The following ERC1 variants were observed in gnomAD, a reference collection of about 807,000 sequenced individuals.
ERC1 encodes RAB6 interacting protein 2.
Under a neutral mutation model 132.0 loss-of-function variants are expected in ERC1, and 56 were observed. The ratio of observed to expected loss-of-function variants is 0.42; its 90% CI spans 0.34 to 0.53. The LOEUF is 0.53. ERC1 is among the 20% of genes least tolerant of loss of function. The pLI is 0.03. For missense variants in ERC1, 1,202 were observed against 1,349.9 expected (o/e 0.89, Z 1.72); for synonymous variants, 478 against 476.1 (o/e 1.00, Z -0.05).
chr12:1,005,248 C>CTTG (rs199956844), intron 1 of ERC1, among the ~76,000 whole-genome samples: 1,937 of 152,194 alleles, frequency 0.013, 44 homozygotes, highest in African/African-American at 0.043. Context: ...ACCTCCCAGG[C>CTTG]TCAAGCGATC....
chr12:1,348,784 G>T (rs1448505403), intron 15 of ERC1, among the ~76,000 whole-genome samples: 2 of 152,044 alleles, frequency 1.3e-5, no homozygotes, highest in African/African-American at 4.8e-5. Context: ...AAAATACACG[G>T]GTCACCGGAA....
chr12:1,387,949 A>G (rs146739423), intron 16 of ERC1, among the ~76,000 whole-genome samples: 55 of 152,380 alleles, frequency 3.6e-4, no homozygotes, highest in African/African-American at 1.2e-3. Flanking sequence ...TGAATACATT[A>G]TCTCTGCTTA....
chr12:1,307,519 A>G (rs1238558763), intron 15 of ERC1, among the ~76,000 whole-genome samples: 2 of 152,296 alleles, frequency 1.3e-5, no homozygotes, highest in East Asian at 3.9e-4. Flanking sequence ...TACTACTTTT[A>G]GCTGTGGGTG....
At chr12:1,063,551 C>A (rs538787177) in intron 2 of ERC1, among the ~76,000 whole-genome samples, 1 of 152,092 alleles carries the variant, frequency 6.6e-6, no homozygotes, top group Non-Finnish European at 1.5e-5. Context: ...TGTGAGCCAC[C>A]GCACCTGGCT....
chr12:993,625 C>T (rs1423934291), intron 1 of ERC1, among the ~76,000 whole-genome samples: 8 of 152,030 alleles, frequency 5.3e-5, no homozygotes, highest in East Asian at 3.9e-4. Flanking sequence ...GGTTCTTGGC[C>T]GGGCGCCGTG....
chr12:1,145,285 G>A (rs12300925), intron 8 of ERC1, among the ~76,000 whole-genome samples: 35,218 of 151,520 alleles, frequency 0.23, 4,112 homozygotes, highest in Non-Finnish European at 0.27. Context: ...CCAAAGTGCT[G>A]GGATTACAGG....
chr12:1,421,514 C>CA (rs1249033285), intron 17 of ERC1, among the ~76,000 whole-genome samples: 48 of 152,088 alleles, frequency 3.2e-4, no homozygotes, highest in Admixed American at 2.8e-3. Context: ...AGGTGGGGGT[C>CA]ACAAGACCGG....
chr12:1,334,097 G>A (rs1174273443), intron 15 of ERC1, among the ~76,000 whole-genome samples: 1 of 151,946 alleles, frequency 6.6e-6, no homozygotes, highest in Non-Finnish European at 1.5e-5. Context: ...TAATGGGGTT[G>A]TTTTTTTCTT....
intron 15 of ERC1, among the ~76,000 whole-genome samples, chr12:1,326,810 C>G (rs539111844): frequency 6.6e-6 from 1 of 152,126 alleles, no homozygotes; most frequent in Non-Finnish European, 1.5e-5. Flanking sequence ...AAGTAGAACT[C>G]CCTGTTTCTG....
At chr12:1,144,747 T>C (rs189044266) in intron 8 of ERC1, among the ~76,000 whole-genome samples, 10 of 151,352 alleles carry the variant, frequency 6.6e-5, no homozygotes, top group East Asian at 3.9e-4. Flanking sequence ...AATGTGCTAT[T>C]ATAAACATGC....
At position 1,349,565 on chromosome 12, in the gene ERC1, G is replaced by A. The variant is rs1224010614; in HGVS notation, c.2781-22268G>A. On this transcript the variant is annotated intron_variant, in intron 15 of 18. Transcript: ENST00000360905. ...TGTAGTCCCAGCTACTCGGGAGGCT[G>A]AGGCAGGTGAATCGCTTGAACCCGG... Among the ~76,000 whole-genome samples the A allele has an allele frequency of 1.1e-4, 16 of 151,872 alleles. No individual in the cohort carries two copies. In the East Asian group the frequency reaches 2.7e-3, roughly 26 times the overall value.
chr12:1,407,905 C>A (rs976705235), intron 16 of ERC1, among the ~76,000 whole-genome samples: 3 of 152,142 alleles, frequency 2.0e-5, no homozygotes, highest in African/African-American at 7.2e-5. Context: ...CCTGAAGACC[C>A]TGTCTCTGGG....
At chr12:1,301,300 A>C (rs1364003518) in intron 15 of ERC1, among the ~76,000 whole-genome samples, 1 of 152,196 alleles carries the variant, frequency 6.6e-6, no homozygotes, top group East Asian at 1.9e-4. Flanking sequence ...TGTATAACTC[A>C]GTCTTGTAAC....
chr12:1,119,142 G>T (rs574658929), intron 7 of ERC1, among the ~76,000 whole-genome samples: 46 of 152,294 alleles, frequency 3.0e-4, no homozygotes, highest in Middle Eastern at 3.4e-3. Flanking sequence ...GCCTCCCAAA[G>T]TGCTCGGATT....
rs573171500 is a variant in ERC1 at position 1,358,238 on chromosome 12, CT to C, written c.2781-13583del. Reference sequence around the variant, plus strand: ...GTTCAAAAAAAAAAAAAACACTAAACTTTTTTTTTTTTCAAATAATACATTA... The same window carrying C: ...GTTCAAAAAAAAAAAAAACACTAAACTTTTTTTTTTTCAAATAATACATTA... On this transcript the variant is annotated intron_variant, in intron 15 of 18. Transcript: ENST00000360905. Among the ~76,000 whole-genome samples the C allele has an allele frequency of 1.5e-3, 209 of 142,120 alleles. 1 individual carries two copies. In the East Asian group the frequency reaches 0.015, roughly 10 times the overall value. 93.2% of individuals were successfully genotyped at this position (142,120 alleles called of 152,430 possible).
intron 18 of ERC1, among the ~76,000 whole-genome samples, chr12:1,488,150 A>AG (rs1319605200): frequency 0.041 from 6,162 of 151,150 alleles, 460 homozygotes; most frequent in African/African-American, 0.14. Context: ...GAAAAAAAAA[A>AG]AAAAAAAAAA....
chr12:1,117,225 AGGAAT>A (rs1946550867), intron 7 of ERC1, among the ~76,000 whole-genome samples: 1 of 152,180 alleles, frequency 6.6e-6, no homozygotes, highest in Non-Finnish European at 1.5e-5. Flanking sequence ...GGTGGAAAAA[AGGAAT>A]GAGGAGGAAA....
intron 11 of ERC1, among the ~76,000 whole-genome samples, chr12:1,187,400 A>G (rs1213674882): frequency 6.6e-6 from 1 of 151,102 alleles, no homozygotes; most frequent in Non-Finnish European, 1.5e-5. Flanking sequence ...AAAGATTGTC[A>G]TTTAGTATTC....
At chr12:1,162,954 G>A (rs1232080582) in intron 8 of ERC1, among the ~76,000 whole-genome samples, 1 of 152,092 alleles carries the variant, frequency 6.6e-6, no homozygotes, top group African/African-American at 2.4e-5. Flanking sequence ...TGTTGATGGA[G>A]AATATGTATA....
Sources: allele counts gnomAD v4.1 joint callset (sites outside exome capture counted in the v4.1 genomes callset), GRCh38; gene constraint gnomAD v4.1.1; transcripts MANE v1.5; gene names NCBI Gene and HGNC (gene_info 2026-07-23, HGNC 2026-07-21).